ZFHX3: variants seen among roughly 807,000 people sequenced by gnomAD.
ZFHX3 encodes the protein zinc finger homeobox protein 3.
ZFHX3 carries 42 observed loss-of-function variants against 279.1 expected under a neutral mutation model. That is an observed-to-expected ratio of 0.15 (90% confidence interval 0.12 to 0.19). ZFHX3 has a LOEUF of 0.19. Ranked by LOEUF, ZFHX3 falls within the 10% of genes least tolerant of loss-of-function variation. ZFHX3 has a pLI of 1.00. For synonymous variants in ZFHX3, 2,293 were observed against 1,957.8 expected (o/e 1.17, Z -4.52); for missense variants, 4,981 against 4,754.0 (o/e 1.05, Z -1.40).
At chr16:73,052,632 C>T (rs1363149082), upstream of ZFHX3, among the ~76,000 whole-genome samples, 2 of 151,942 alleles carry the variant, frequency 1.3e-5, no homozygotes, top group African/African-American at 2.4e-5. Context: ...GTGAGGCCTA[C>T]GGTAAAAACG....
At chr16:73,367,213 A>T in intron 3 of ZFHX3, among the ~76,000 whole-genome samples, 1 of 152,124 alleles carries the variant, frequency 6.6e-6, no homozygotes, top group East Asian at 1.9e-4. Context: ...ATGCATGGTC[A>T]TGGGAAAATC....
At chr16:73,040,300 G>A (rs553906704) in intron 1 of ZFHX3, among the ~76,000 whole-genome samples, 6 of 152,200 alleles carry the variant, frequency 3.9e-5, no homozygotes, top group Admixed American at 6.5e-5. Context: ...CAGGAAGAGC[G>A]TGGTGCTGAA....
intron 4 of ZFHX3, among the ~76,000 whole-genome samples, chr16:72,839,007 C>T (rs1567541668): frequency 6.6e-6 from 1 of 152,062 alleles, no homozygotes; most frequent in South Asian, 2.1e-4. Context: ...CTAGCTATGT[C>T]CCAGAACTCT....
chr16:73,883,612 A>G (rs1364895342), intron 1 of ZFHX3, among the ~76,000 whole-genome samples: 1 of 152,050 alleles, frequency 6.6e-6, no homozygotes. Context: ...TCTGCCAGAA[A>G]GGCGCGGTAA....
intron 7 of ZFHX3, among the ~76,000 whole-genome samples, chr16:73,104,840 T>G (rs1243387152): frequency 1.3e-5 from 2 of 152,200 alleles, no homozygotes; most frequent in Non-Finnish European, 2.9e-5. Flanking sequence ...GTCCCCCATG[T>G]GCTCCTATAG....
chr16:73,752,414 T>A (rs1241446327), intron 1 of ZFHX3, among the ~76,000 whole-genome samples: 1 of 152,018 alleles, frequency 6.6e-6, no homozygotes, highest in Non-Finnish European at 1.5e-5. Flanking sequence ...AATTCCAGAG[T>A]TTCCTTCAGA....
At chr16:73,631,621 C>G (rs1052502108) in intron 2 of ZFHX3, among the ~76,000 whole-genome samples, 3 of 152,126 alleles carry the variant, frequency 2.0e-5, no homozygotes, top group Non-Finnish European at 1.5e-5. Flanking sequence ...CTTTGCATCT[C>G]TGGCTGGGCG....
At chr16:73,862,763 T>C (rs1466813278) in intron 1 of ZFHX3, among the ~76,000 whole-genome samples, 1 of 150,818 alleles carries the variant, frequency 6.6e-6, no homozygotes, top group African/African-American at 2.4e-5. Context: ...GGTGACAGAG[T>C]GAGACCCTGT....
At chr16:73,000,093 C>T (rs765896174) in intron 1 of ZFHX3, among the ~76,000 whole-genome samples, 7 of 152,224 alleles carry the variant, frequency 4.6e-5, no homozygotes, top group South Asian at 2.1e-4. Flanking sequence ...CCTAGAAATG[C>T]AGAGAGCTGC....
intron 2 of ZFHX3, among the ~76,000 whole-genome samples, chr16:73,462,430 A>T (rs1466952247): frequency 6.6e-6 from 1 of 152,100 alleles, no homozygotes; most frequent in African/African-American, 2.4e-5. Context: ...TAACACATTG[A>T]CTAGAACTTC....
At position 73,323,028 on chromosome 16, in the gene ZFHX3, G is replaced by A. The variant is rs149417872; in HGVS notation, c.-1290-4692C>T. Among the ~76,000 whole-genome samples the A allele has an allele frequency of 3.9e-5, 6 of 152,298 alleles. No homozygotes were observed. In the South Asian group the frequency reaches 6.2e-4, roughly 16 times the overall value. ...AACGTTGGGGATGAAGAGCTGCAGCGGAGACCCTGTGGCCTGTTTAAAATA... is the reference window on the plus strand; with the variant it reads ...AACGTTGGGGATGAAGAGCTGCAGCAGAGACCCTGTGGCCTGTTTAAAATA... On this transcript the variant is annotated intron_variant, in intron 3 of 17. Coordinates refer to the ZFHX3 transcript ENST00000641206.
chr16:73,676,284 A>G (rs565141215), intron 2 of ZFHX3, among the ~76,000 whole-genome samples: 1 of 152,180 alleles, frequency 6.6e-6, no homozygotes, highest in South Asian at 2.1e-4. Flanking sequence ...CACTTTTTCT[A>G]AAACCTGAGG....
intron 3 of ZFHX3, among the ~76,000 whole-genome samples, chr16:73,363,401 C>A (rs1056712794): frequency 6.6e-6 from 1 of 152,194 alleles, no homozygotes; most frequent in African/African-American, 2.4e-5. Context: ...CATTTCAATA[C>A]TGCGATCTAT....
chr16:73,447,430 C>T (rs899829170), intron 3 of ZFHX3, among the ~76,000 whole-genome samples: 3 of 152,082 alleles, frequency 2.0e-5, no homozygotes, highest in South Asian at 2.1e-4. Context: ...AAAGAAAATA[C>T]TTAGAATGTT....
intron 5 of ZFHX3, among the ~76,000 whole-genome samples, chr16:73,145,728 G>C (rs1178321127): frequency 6.6e-6 from 1 of 152,230 alleles, no homozygotes; most frequent in Non-Finnish European, 1.5e-5. Flanking sequence ...AGCTATGAGA[G>C]GTGATACCGT....
In ZFHX3 at chr16:73,407,343, G is replaced by A. The variant is rs1414913785; in HGVS notation, c.-1291+48660C>T. ...TCCAAAACCGATTGCATTGGAAAATGAGGGAAGGGCCTGAATGCTGGTTTT... is the reference window on the plus strand; with the variant it reads ...TCCAAAACCGATTGCATTGGAAAATAAGGGAAGGGCCTGAATGCTGGTTTT... On this transcript the variant is annotated intron_variant, in intron 3 of 17. Transcript: ENST00000641206. Among the ~76,000 whole-genome samples, 4 of 152,342 alleles carry A rather than the reference G, an allele frequency of 2.6e-5. No individual in the cohort carries two copies. The East Asian group carries it at 5.8e-4, about 22-fold the overall frequency.
intron 4 of ZFHX3, among the ~76,000 whole-genome samples, chr16:72,870,717 C>CAAAAAAAAAAAAA (rs71156125): frequency 9.8e-6 from 1 of 101,562 alleles, no homozygotes. Flanking sequence ...GACTCTGTCT[C>CAAAAAAAAAAAAA]AAAAAAAAAA....
intron 3 of ZFHX3, among the ~76,000 whole-genome samples, chr16:72,930,876 T>G (rs975548117): frequency 7.9e-5 from 12 of 152,246 alleles, no homozygotes; most frequent in African/African-American, 2.4e-4. Context: ...GTGCCATCAC[T>G]GAGCCGTACC....
intron 3 of ZFHX3, among the ~76,000 whole-genome samples, chr16:73,398,887 T>C (rs1382664746): frequency 6.6e-6 from 1 of 151,976 alleles, no homozygotes; most frequent in African/African-American, 2.4e-5. Context: ...TTTTTTGAGA[T>C]GGAGTCTCAC....
Sources: gnomAD v4.1 joint callset for allele counts (sites outside exome capture counted in the v4.1 genomes callset) on GRCh38, gnomAD v4.1.1 for gene constraint, MANE v1.5 for transcripts, NCBI Gene and HGNC (gene_info 2026-07-23, HGNC 2026-07-21) for gene names.